Variants in ZC3H8 observed in about 807,000 individuals in gnomAD.
The protein encoded by ZC3H8 is zinc finger CCCH-type containing 8, also known as zinc finger CCCH domain-containing protein 8.
A neutral mutation model predicts 42.5 loss-of-function variants in ZC3H8; 27 were observed. The observed-to-expected ratio is 0.64, with a 90% CI of 0.47 to 0.88. The LOEUF (loss-of-function observed/expected upper bound fraction) is 0.88, where lower values mean the gene tolerates loss of function less well. ZC3H8 is among the 40% of genes least tolerant of loss of function. ZC3H8 has a pLI of 0.00. For synonymous variants in ZC3H8, 101 were observed against 110.1 expected (o/e 0.92, Z 0.52); for missense variants, 277 against 336.1 (o/e 0.82, Z 1.37).
At position 112,233,224 on chromosome 2, in the gene ZC3H8, A is replaced by C. The variant is rs546630580; in HGVS notation, c.733+36T>G. The stretch of plus-strand genomic sequence containing the variant: ...GCACATTTAAAATGTTCATGTAAAT[A>C]TTTATAAAGTCACCATATCTTGTGA... On this transcript the variant is annotated intron_variant, in intron 6 of 8. Transcript: ENST00000409573. 245 of 1,388,118 alleles carry C rather than the reference A, an allele frequency of 1.8e-4. 1 individual carries two copies. In the South Asian group the frequency reaches 3.1e-3, roughly 18 times the overall value. 86.0% of individuals were successfully genotyped at this position (1,388,118 alleles called of 1,614,324 possible). A position where few individuals can be genotyped will look rare whatever the true frequency, so the allele number is the denominator to read the frequency against.
chr2:112,241,017 G>A (rs1206496697), intron 2 of ZC3H8, among the ~76,000 whole-genome samples: 1 of 151,384 alleles, frequency 6.6e-6, no homozygotes, highest in Non-Finnish European at 1.5e-5. Flanking sequence ...TTTTGTGTGT[G>A]TGTGTGTGTG....
chr2:112,237,696 C>T (rs1685399673), intron 3 of ZC3H8, among the ~76,000 whole-genome samples: 1 of 151,936 alleles, frequency 6.6e-6, no homozygotes, highest in Non-Finnish European at 1.5e-5. Flanking sequence ...GTGCCTCAGC[C>T]TCCAGGGTAG....
rs1686072781 is a variant in ZC3H8, at chr2:112,254,917, G to C, written c.65C>G (p.Ser22Cys). The C allele has an allele frequency of 3.1e-6, 5 of 1,613,476 alleles. No homozygotes were observed. Among genetic ancestry groups the C allele is most frequent in the South Asian group, 2.2e-5 (2 of 90,988 alleles). ...AAAGATATGGGATCACCTTTCGTCA[G>C]AGTCCGTGGCCGTTTTGCCGAGGGC... ...NPALGKTATD[S>C]DERIDDEIDT... The change falls in exon 1 of 9, where the codon TCT becomes TGT. Residue 22 changes from serine to cysteine, a missense_variant. Physicochemically the swap from Ser to Cys is moderately radical, Grantham distance 112 (BLOSUM62 -1). Transcript: ENST00000409573.
At chr2:112,226,976 A>T (rs1011561644) in intron 8 of ZC3H8, among the ~76,000 whole-genome samples, 1 of 152,232 alleles carries the variant, frequency 6.6e-6, no homozygotes, top group Admixed American at 6.5e-5. Flanking sequence ...ATGCACAGAA[A>T]TCATTTGATA....
intron 2 of ZC3H8, among the ~76,000 whole-genome samples, chr2:112,241,415 G>A (rs1196356791): frequency 6.6e-6 from 1 of 152,020 alleles, no homozygotes; most frequent in Non-Finnish European, 1.5e-5. Context: ...CATAAAGCAG[G>A]GGTTCTCACC....
At chr2:112,222,158 G>GT (rs1181244260) in intron 8 of ZC3H8, among the ~76,000 whole-genome samples, 2 of 152,132 alleles carry the variant, frequency 1.3e-5, no homozygotes, top group African/African-American at 4.8e-5. Context: ...TACTGTCTCT[G>GT]TGCCCATGTT....
intron 8 of ZC3H8, among the ~76,000 whole-genome samples, chr2:112,221,631 C>T (rs1030658226): frequency 4.6e-5 from 7 of 152,016 alleles, no homozygotes; most frequent in Admixed American, 4.6e-4. Flanking sequence ...CTCTGAGATT[C>T]CTTCTTCAGC....
Position 112,211,928 on chromosome 2 carries a change from A to G in ZC3H8, c.*4556T>C, listed in dbSNP as rs1201234207. ...CCCTCTCCTCTTAACCCTTCTAAAT[A>G]TATCTACTCTTCCTAGTTTTCTGCT... On this transcript the variant is annotated 3_prime_UTR_variant, in exon 9 of 9. Coordinates refer to ENST00000409573, the MANE Select transcript of ZC3H8 (RefSeq NM_032494.3). 5 of 152,154 alleles carry G rather than the reference A, an allele frequency of 3.3e-5. No homozygotes were observed. The highest frequency in any genetic ancestry group is 2.1e-4 in the South Asian group (1 of 4,834). 9.4% of individuals were successfully genotyped at this position (152,154 alleles called of 1,614,324 possible).
intron 2 of ZC3H8, 118 bp downstream of exon 2, chr2:112,250,073 T>G: frequency 3.0e-6 from 2 of 664,332 alleles, no homozygotes; most frequent in South Asian, 5.3e-5. Context: ...ACAAGTAGGA[T>G]CCTTCATTAA....
At chr2:112,228,405 G>C (rs1684943314) in intron 8 of ZC3H8, among the ~76,000 whole-genome samples, 1 of 151,982 alleles carries the variant, frequency 6.6e-6, no homozygotes, top group Non-Finnish European at 1.5e-5. Flanking sequence ...GGGATGCTGA[G>C]GCATGAGAAT....
intron 8 of ZC3H8, among the ~76,000 whole-genome samples, chr2:112,230,523 G>C (rs961803008): frequency 6.6e-6 from 1 of 151,968 alleles, no homozygotes; most frequent in Non-Finnish European, 1.5e-5. Context: ...ATGAATGACA[G>C]CTGCATGCAT....
chr2:112,233,209 A>T, intron 6 of ZC3H8, 51 bp downstream of exon 6: 1 of 1,304,826 alleles, frequency 7.7e-7, no homozygotes. Context: ...GCACATTTAA[A>T]ATGTTCATGT....
chr2:112,216,112 T>C lies in ZC3H8; in HGVS notation c.*372A>G, dbSNP rs530538881. On this transcript the variant is annotated 3_prime_UTR_variant, in exon 9 of 9. Coordinates refer to ENST00000409573, the MANE Select transcript of ZC3H8 (RefSeq NM_032494.3). ...AGCAGTTCTCTCTCCTCAAACCTCC[T>C]CTACCTCTTTACTCACCCTCACTCA... 2.0e-5 allele frequency: 3 copies of C among 152,324 alleles called. No individual in the cohort carries two copies. The highest frequency in any genetic ancestry group is 2.0e-4 in the Admixed American group (3 of 15,298). 9.4% of individuals were successfully genotyped at this position (152,324 alleles called of 1,614,324 possible).
At chr2:112,249,440 T>C (rs1573927482) in intron 2 of ZC3H8, among the ~76,000 whole-genome samples, 1 of 151,990 alleles carries the variant, frequency 6.6e-6, no homozygotes, top group East Asian at 1.9e-4. Flanking sequence ...TCTGGGGTTT[T>C]TTTTGTTTTT....
rs1027529261 is a variant in ZC3H8, at chr2:112,245,194, C to G, written c.156+4997G>C. 3.3e-5 allele frequency among the ~76,000 whole-genome samples: 5 copies of G among 152,244 alleles called. No individual in the cohort carries two copies. The South Asian group carries it at 8.3e-4, about 25-fold the overall frequency. Reference sequence around the variant, plus strand: ...GTATTGGTCTGGATAGAAGATCAAACCAGTCATAACATTCCCTTAAGCCAA... The same window carrying G: ...GTATTGGTCTGGATAGAAGATCAAAGCAGTCATAACATTCCCTTAAGCCAA... On this transcript the variant is annotated intron_variant, in intron 2 of 8. Coordinates refer to ENST00000409573, the MANE Select transcript of ZC3H8 (RefSeq NM_032494.3).
intron 8 of ZC3H8, among the ~76,000 whole-genome samples, chr2:112,227,382 G>A (rs55802705): frequency 0.11 from 16,631 of 152,160 alleles, 1,196 homozygotes; most frequent in Non-Finnish European, 0.16. Context: ...AAAATTAGCC[G>A]GGCGTGGTGG....
chr2:112,221,733 A>T (rs1211399049), intron 8 of ZC3H8, among the ~76,000 whole-genome samples: 2 of 152,030 alleles, frequency 1.3e-5, no homozygotes, highest in Admixed American at 1.3e-4. Flanking sequence ...GTTCTTTCTT[A>T]TAATGGTCAT....
chr2:112,222,123 G>C (rs1684615051), intron 8 of ZC3H8, among the ~76,000 whole-genome samples: 1 of 152,044 alleles, frequency 6.6e-6, no homozygotes, highest in Admixed American at 6.5e-5. Context: ...GCCTGCTCCT[G>C]GGTCTTGGAG....
intron 3 of ZC3H8, 39 bp downstream of exon 3, chr2:112,238,276 C>A: frequency 6.3e-7 from 1 of 1,591,122 alleles, no homozygotes; most frequent in Non-Finnish European, 8.6e-7. Context: ...GACTGCTTCT[C>A]TAGATAAACT....
Sources: gnomAD v4.1 joint callset for allele counts (sites outside exome capture counted in the v4.1 genomes callset) on GRCh38, gnomAD v4.1.1 for gene constraint, MANE v1.5 for transcripts, NCBI Gene and HGNC (gene_info 2026-07-23, HGNC 2026-07-21) for gene names.